TSC22D1: variants seen among roughly 807,000 people sequenced by gnomAD.
The protein encoded by TSC22D1 is TSC22 domain family member 1.
In TSC22D1, 9 loss-of-function variants were observed where a neutral mutation model predicts 74.2. That is an observed-to-expected ratio of 0.12 (90% confidence interval 0.07 to 0.21). The LOEUF (loss-of-function observed/expected upper bound fraction) is 0.21, where lower values mean the gene tolerates loss of function less well. Ranked by LOEUF, TSC22D1 falls within the 10% of genes least tolerant of loss-of-function variation. The probability of loss-of-function intolerance (pLI) is 1.00; values close to 1 mark genes in which losing one functional copy is unlikely to be tolerated. For missense variants in TSC22D1, 1,427 were observed against 1,304.7 expected, an observed-to-expected ratio of 1.09 and a Z score of -1.44; for synonymous variants, 586 against 492.5, an observed-to-expected ratio of 1.19 and a Z score of -2.51.
intron 1 of TSC22D1, among the ~76,000 whole-genome samples, chr13:44,455,159 G>C (rs569508837): frequency 6.6e-6 from 1 of 152,176 alleles, no homozygotes; most frequent in Non-Finnish European, 1.5e-5. Context: ...GGATATGAAA[G>C]ATCAGAGAGG....
At chr13:44,556,797 C>T (rs1461046418) in intron 1 of TSC22D1, among the ~76,000 whole-genome samples, 1 of 151,900 alleles carries the variant, frequency 6.6e-6, no homozygotes, top group Non-Finnish European at 1.5e-5. Context: ...ACCCACAAGG[C>T]GGAGGTTGCA....
chr13:44,526,853 A>G (rs1163307921), intron 1 of TSC22D1, among the ~76,000 whole-genome samples: 1 of 151,812 alleles, frequency 6.6e-6, no homozygotes, highest in African/African-American at 2.4e-5. Flanking sequence ...AGAACATGAC[A>G]TAAGATAAAT....
In TSC22D1 at chr13:44,433,968, C is replaced by T; in HGVS notation, c.*658G>A. 1.3e-6 allele frequency: 2 copies of T among 1,532,832 alleles called. No homozygotes were observed. The highest frequency in any genetic ancestry group is 1.7e-6 in the Non-Finnish European group (2 of 1,145,810). 95.0% of individuals were successfully genotyped at this position (1,532,832 alleles called of 1,614,324 possible). On this transcript the variant is annotated 3_prime_UTR_variant, in exon 3 of 3. Coordinates refer to ENST00000458659, the MANE Select transcript of TSC22D1 (RefSeq NM_183422.4). ...TCTATTGTACAAAATAGTTACACTA[C>T]ATACACAAATATACAATAAGCAAAA... is the stretch of plus-strand genomic sequence containing the variant.
At position 44,575,672 on chromosome 13, in the gene TSC22D1, T is replaced by C; in HGVS notation, c.403A>G (p.Thr135Ala). Reference sequence around the variant, plus strand: ...TCATCCAGATCATCATAGCTCTCAGTGTCCTCTGCTATACTGTTGTTAGAG... The same window carrying C: ...TCATCCAGATCATCATAGCTCTCAGCGTCCTCTGCTATACTGTTGTTAGAG... ...ISSNNSIAED[T>A]ESYDDLDESH... Residue 135 changes from threonine to alanine, a missense_variant, in exon 1 of 3, where the codon ACT becomes GCT. Around this residue, in one of 3 missense-constraint regions of TSC22D1, gnomAD observed 1,343 missense variants for 1,191.5 expected, o/e 1.13. Coordinates refer to ENST00000458659, the MANE Select transcript of TSC22D1 (RefSeq NM_183422.4). 6.2e-7 allele frequency: 1 copy of C among 1,614,194 alleles called. No individual in the cohort carries two copies. The highest frequency in any genetic ancestry group is 8.5e-7 in the Non-Finnish European group (1 of 1,180,030).
intron 1 of TSC22D1, among the ~76,000 whole-genome samples, chr13:44,514,263 GAATC>G (rs1879866576): frequency 6.6e-6 from 1 of 151,596 alleles, no homozygotes; most frequent in Non-Finnish European, 1.5e-5. Context: ...GAAAAAAAAA[GAATC>G]AATAAAGTAA....
rs536225730 is a variant in TSC22D1, at chr13:44,510,392, C to CA, written c.2912+62770dup. Among the ~76,000 whole-genome samples the CA allele has an allele frequency of 1.9e-3, 262 of 140,846 alleles. 2 individuals carry two copies. In the South Asian group the frequency reaches 0.026, roughly 14 times the overall value. The allele number at this position is 140,846 out of a possible 152,430, so 92.4% of individuals were successfully genotyped here. A position where few individuals can be genotyped will look rare whatever the true frequency, so the allele number is the denominator to read the frequency against. ...GAGCAACAAGAGTGAAACTCCGTCT[C>CA]AAAAAAAAAACAAAAAATGTTCATA... On this transcript the variant is annotated intron_variant, in intron 1 of 2. Coordinates refer to ENST00000458659, the MANE Select transcript of TSC22D1 (RefSeq NM_183422.4).
intron 1 of TSC22D1, among the ~76,000 whole-genome samples, chr13:44,524,471 C>A (rs955261293): frequency 6.6e-6 from 1 of 152,170 alleles, no homozygotes; most frequent in Non-Finnish European, 1.5e-5. Flanking sequence ...TTAAGACAGT[C>A]TAAATATGGA....
At position 44,573,735 on chromosome 13, in the gene TSC22D1, A is replaced by C; in HGVS notation, c.2340T>G (p.Ser780Arg). 6.2e-7 allele frequency: 1 copy of C among 1,614,230 alleles called. No homozygotes were observed. The highest frequency in any genetic ancestry group is 8.5e-7 in the Non-Finnish European group (1 of 1,180,032). The part of the protein sequence containing the change: ...TGIIHQGVQT[S>R]APSLPQQLVI... Reference sequence around the variant, plus strand: ...CCAATTGTTGAGGAAGGCTTGGAGCACTAGTTTGAACTCCCTGATGAATAA... The same window carrying C: ...CCAATTGTTGAGGAAGGCTTGGAGCCCTAGTTTGAACTCCCTGATGAATAA... Residue 780 changes from serine to arginine, a missense_variant, in exon 1 of 3, where the codon AGT becomes AGG. Coordinates refer to ENST00000458659, the MANE Select transcript of TSC22D1 (RefSeq NM_183422.4).
intron 1 of TSC22D1, among the ~76,000 whole-genome samples, chr13:44,441,684 T>A (rs925907924): frequency 2.0e-5 from 3 of 151,920 alleles, no homozygotes; most frequent in African/African-American, 7.3e-5. Flanking sequence ...AGGCACCGAG[T>A]GGATAAGTGA....
chr13:44,491,715 T>C lies in TSC22D1; in HGVS notation c.2913-55620A>G, dbSNP rs575071478. ...AACAGATATAAATAACATGCTTAGCTTGAAATTAAAACCACAATGAACTAA... is the reference window on the plus strand; with the variant it reads ...AACAGATATAAATAACATGCTTAGCCTGAAATTAAAACCACAATGAACTAA... On this transcript the variant is annotated intron_variant, in intron 1 of 2. Coordinates refer to ENST00000458659, the MANE Select transcript of TSC22D1 (RefSeq NM_183422.4). 6.6e-4 allele frequency among the ~76,000 whole-genome samples: 100 copies of C among 152,288 alleles called. 1 individual carries two copies. The highest frequency in any genetic ancestry group is 2.4e-3 in the African/African-American group (99 of 41,560).
intron 2 of TSC22D1, 58 bp from the exon 3 acceptor site, chr13:44,434,941 AGTTTCC>A (rs1302344996): frequency 6.9e-7 from 1 of 1,443,002 alleles, no homozygotes; most frequent in Non-Finnish European, 9.5e-7. Flanking sequence ...GACTCTTTTG[AGTTTCC>A]AAGACATTAT....
chr13:44,494,706 CTT>C (rs1364003599), intron 1 of TSC22D1, among the ~76,000 whole-genome samples: 2 of 152,092 alleles, frequency 1.3e-5, no homozygotes, highest in Non-Finnish European at 2.9e-5. Flanking sequence ...TTTTCAAAAA[CTT>C]ACAAAGCATG....
chr13:44,449,951 G>A (rs1008460546), intron 1 of TSC22D1, among the ~76,000 whole-genome samples: 1 of 152,174 alleles, frequency 6.6e-6, no homozygotes, highest in Non-Finnish European at 1.5e-5. Context: ...CAGTTATCAA[G>A]ATGAGTAAGA....
intron 1 of TSC22D1, among the ~76,000 whole-genome samples, chr13:44,568,290 G>A (rs1883512685): frequency 6.6e-6 from 1 of 152,152 alleles, no homozygotes; most frequent in Non-Finnish European, 1.5e-5. Context: ...AAGAATGGAG[G>A]TCAGTGGGAT....
chr13:44,478,021 A>G (rs1356583877), intron 1 of TSC22D1, among the ~76,000 whole-genome samples: 1 of 152,082 alleles, frequency 6.6e-6, no homozygotes, highest in Non-Finnish European at 1.5e-5. Context: ...ACTATTTTAA[A>G]GTAAAGTCCT....
chr13:44,576,033 A>C lies in TSC22D1; in HGVS notation c.42T>G (p.Ala14=), dbSNP rs767728121. ...PPESTAAAAA[A]ADISARKMAH... ...CCATCTTCCTAGCGCTAATGTCTGCAGCGGCGGCGGCCGCGGCGGTGGACT... is the reference window on the plus strand; with the variant it reads ...CCATCTTCCTAGCGCTAATGTCTGCCGCGGCGGCGGCCGCGGCGGTGGACT... The change falls in exon 1 of 3, where the codon GCT becomes GCG. Residue 14 remains alanine (A), a synonymous_variant. Transcript: ENST00000458659. The C allele has an allele frequency of 3.8e-5, 60 of 1,579,432 alleles. No individual in the cohort carries two copies. The South Asian group carries it at 6.8e-4, about 18-fold the overall frequency.
At chr13:44,503,529 T>C (rs762273241) in intron 1 of TSC22D1, among the ~76,000 whole-genome samples, 42 of 152,250 alleles carry the variant, frequency 2.8e-4, no homozygotes, top group Non-Finnish European at 5.1e-4. Flanking sequence ...CCATTGCTAA[T>C]AGATTTGTAA....
intron 1 of TSC22D1, among the ~76,000 whole-genome samples, chr13:44,509,742 G>A: frequency 6.6e-6 from 1 of 151,828 alleles, no homozygotes; most frequent in Non-Finnish European, 1.5e-5. Flanking sequence ...AGATCTGTAA[G>A]ACAATTTTTC....
chr13:44,573,725 G>C lies in TSC22D1; in HGVS notation c.2350C>G (p.Leu784Val). The C allele has an allele frequency of 6.2e-7, 1 of 1,614,190 alleles. No homozygotes were observed. Reference protein sequence around the residue: ...HQGVQTSAPSLPQQLVIASQS... With the variant: ...HQGVQTSAPSVPQQLVIASQS... ...GATGCAATAACCAATTGTTGAGGAA[G>C]GCTTGGAGCACTAGTTTGAACTCCC... Residue 784 changes from leucine to valine, a missense_variant, in exon 1 of 3, where the codon CTT (leucine) becomes GTT (valine). Leu to Val is a conservative substitution (Grantham distance 32, BLOSUM62 1). This residue lies in a region of TSC22D1 where 1,343 missense variants were observed against 1,191.5 expected (regional missense o/e 1.13). Transcript: ENST00000458659.
Sources: allele counts gnomAD v4.1 joint callset (sites outside exome capture counted in the v4.1 genomes callset), GRCh38; gene constraint gnomAD v4.1.1; regional missense constraint gnomAD v4.1.1; transcripts MANE v1.5; gene names NCBI Gene and HGNC (gene_info 2026-07-23, HGNC 2026-07-21).